Variants in EFL1 observed in about 807,000 individuals in gnomAD.
The protein encoded by EFL1 is elongation factor like GTPase 1.
In EFL1, 76 loss-of-function variants were observed where a neutral mutation model predicts 126.7. That is an observed-to-expected ratio of 0.60 (90% confidence interval 0.50 to 0.73). EFL1 has a LOEUF of 0.73. Ranked by LOEUF, EFL1 falls within the 30% of genes least tolerant of loss-of-function variation. The pLI, the probability that EFL1 is intolerant of heterozygous loss-of-function variation, is 0.00. For synonymous variants in EFL1, 410 were observed against 448.4 expected, an observed-to-expected ratio of 0.91 and a Z score of 1.08; for missense variants, 1,128 against 1,343.2, an observed-to-expected ratio of 0.84 and a Z score of 2.50.
intron 18 of EFL1, among the ~76,000 whole-genome samples, chr15:82,141,792 A>G (rs975324621): frequency 6.6e-6 from 1 of 152,192 alleles, no homozygotes; most frequent in African/African-American, 2.4e-5. Flanking sequence ...TGGGGCAAAC[A>G]GACCACGAAT....
At chr15:82,189,612 T>A (rs1184243164) in intron 15 of EFL1, among the ~76,000 whole-genome samples, 1 of 152,166 alleles carries the variant, frequency 6.6e-6, no homozygotes, top group Non-Finnish European at 1.5e-5. Context: ...AAGGTCTAGG[T>A]TAAGGGTCTT....
chr15:82,163,924 C>T lies in EFL1; in HGVS notation c.1811G>A (p.Cys604Tyr). 6.2e-7 allele frequency: 1 copy of T among 1,614,048 alleles called. No individual in the cohort carries two copies. Among genetic ancestry groups the T allele is most frequent in the Non-Finnish European group, 8.5e-7 (1 of 1,179,988 alleles). Reference protein sequence around the residue: ...KSATLCSLPSCPPFIPLNFEA... With the variant: ...KSATLCSLPSYPPFIPLNFEA... Reference sequence around the variant, plus strand: ...GAAGTTGAGTGGTATAAATGGTGGGCAGGATGGCAGGCTACACAGTGTTGC... The same window carrying T: ...GAAGTTGAGTGGTATAAATGGTGGGTAGGATGGCAGGCTACACAGTGTTGC... The change falls in exon 16 of 20, where the codon TGC (cysteine) becomes TAC (tyrosine). Residue 604 changes from cysteine to tyrosine, a missense_variant. Cys to Tyr is a radical substitution (Grantham distance 194). Transcript: ENST00000268206.
intron 14 of EFL1, among the ~76,000 whole-genome samples, chr15:82,218,265 T>TTCTG (rs1429533786): frequency 6.6e-6 from 1 of 152,156 alleles, no homozygotes; most frequent in South Asian, 2.1e-4. Flanking sequence ...TGAACACAAA[T>TTCTG]TCTGGGTAGG....
At chr15:82,190,335 T>A (rs2074346384) in intron 15 of EFL1, among the ~76,000 whole-genome samples, 1 of 152,230 alleles carries the variant, frequency 6.6e-6, no homozygotes, top group Non-Finnish European at 1.5e-5. Flanking sequence ...AATGCCCTCT[T>A]AATTTTACTT....
chr15:82,261,548 A>G, intron 2 of EFL1, 140 bp downstream of exon 2: 1 of 771,102 alleles, frequency 1.3e-6, no homozygotes, highest in South Asian at 2.0e-5. Context: ...CTTCCCTAAC[A>G]TCACACAAAA....
intron 17 of EFL1, among the ~76,000 whole-genome samples, chr15:82,153,336 T>C (rs1165171344): frequency 6.6e-6 from 1 of 152,226 alleles, no homozygotes; most frequent in African/African-American, 2.4e-5. Context: ...TAAAACTACT[T>C]TGATATTCAA....
intron 18 of EFL1, among the ~76,000 whole-genome samples, chr15:82,141,093 C>G (rs1567037747): frequency 6.6e-6 from 1 of 152,194 alleles, no homozygotes; most frequent in Non-Finnish European, 1.5e-5. Flanking sequence ...CCAGGCCAAT[C>G]TTGCTGTGAC....
chr15:82,145,858 AT>A lies in EFL1; in HGVS notation c.2989+5606del, dbSNP rs1488518812. Among the ~76,000 whole-genome samples the A allele has an allele frequency of 6.2e-4, 94 of 151,330 alleles. No homozygotes were observed. The East Asian group carries it at 0.015, about 25-fold the overall frequency. On this transcript the variant is annotated intron_variant, in intron 18 of 19. Coordinates refer to ENST00000268206, the MANE Select transcript of EFL1 (RefSeq NM_024580.6). ...TCTCAAAAAACCAAAAAAAAAAAAA[AT>A]ACCCCAAAAAACTCTTAACTAGTAC...
At chr15:82,207,885 C>T (rs2074543106) in intron 15 of EFL1, among the ~76,000 whole-genome samples, 1 of 152,014 alleles carries the variant, frequency 6.6e-6, no homozygotes, top group Admixed American at 6.6e-5. Context: ...ACACACCCAG[C>T]TAATTTTCTA....
intron 8 of EFL1, 52 bp from the exon 9 acceptor site, chr15:82,229,162 A>G (rs780135472): frequency 3.0e-6 from 4 of 1,348,410 alleles, no homozygotes; most frequent in South Asian, 2.7e-5. Flanking sequence ...ATAGGCATTT[A>G]TATATTCCTT....
At chr15:82,197,808 T>G (rs1399620740) in intron 15 of EFL1, among the ~76,000 whole-genome samples, 1 of 152,140 alleles carries the variant, frequency 6.6e-6, no homozygotes, top group Non-Finnish European at 1.5e-5. Flanking sequence ...TAAATCAATT[T>G]CAACTCCTCT....
chr15:82,142,682 G>A (rs1419242661), intron 18 of EFL1, among the ~76,000 whole-genome samples: 1 of 152,206 alleles, frequency 6.6e-6, no homozygotes, highest in Non-Finnish European at 1.5e-5. Context: ...ATTCAAGGCA[G>A]TAACCCACCC....
At chr15:82,168,756 C>T (rs1376743564) in intron 15 of EFL1, among the ~76,000 whole-genome samples, 7 of 152,136 alleles carry the variant, frequency 4.6e-5, no homozygotes, top group Non-Finnish European at 7.4e-5. Context: ...TCAAGTGATC[C>T]GCCCTCCTTG....
intron 15 of EFL1, among the ~76,000 whole-genome samples, chr15:82,193,040 A>G (rs1475281611): frequency 6.6e-6 from 1 of 152,222 alleles, no homozygotes; most frequent in East Asian, 1.9e-4. Context: ...ATAAGCATAT[A>G]TAACTTTTGA....
chr15:82,212,611 A>G (rs758709479), intron 15 of EFL1, among the ~76,000 whole-genome samples: 4 of 152,246 alleles, frequency 2.6e-5, no homozygotes, highest in Non-Finnish European at 2.9e-5. Flanking sequence ...TCCTTCTGGT[A>G]GACTATCTTT....
At chr15:82,147,627 G>GA (rs375857086) in intron 18 of EFL1, among the ~76,000 whole-genome samples, 43,550 of 83,670 alleles carry the variant, frequency 0.52, 10,658 homozygotes, top group African/African-American at 0.72. Context: ...GGGCAATAGT[G>GA]AAAAAAAAAA....
At chr15:82,185,087 T>C (rs1415956517) in intron 15 of EFL1, among the ~76,000 whole-genome samples, 1 of 152,134 alleles carries the variant, frequency 6.6e-6, no homozygotes, top group African/African-American at 2.4e-5. Flanking sequence ...AGTTAAGTTT[T>C]GACTATTTAC....
intron 19 of EFL1, among the ~76,000 whole-genome samples, chr15:82,131,440 T>C (rs2073642885): frequency 1.3e-5 from 2 of 152,128 alleles, no homozygotes; most frequent in Admixed American, 1.3e-4. Flanking sequence ...TACAGGTGCA[T>C]GCCACCATGC....
intron 2 of EFL1, among the ~76,000 whole-genome samples, chr15:82,260,891 T>C (rs1302243430): frequency 6.6e-6 from 1 of 152,222 alleles, no homozygotes; most frequent in Non-Finnish European, 1.5e-5. Flanking sequence ...CCCATCCCAA[T>C]CACTTTGCTG....
Sources: gnomAD v4.1 joint callset for allele counts (sites outside exome capture counted in the v4.1 genomes callset) on GRCh38, gnomAD v4.1.1 for gene constraint, MANE v1.5 for transcripts, NCBI Gene and HGNC (gene_info 2026-07-23, HGNC 2026-07-21) for gene names.